KRT7: variants seen among roughly 807,000 people sequenced by gnomAD.
KRT7 encodes the protein keratin, type II cytoskeletal 7.
Under a neutral mutation model 42.8 loss-of-function variants are expected in KRT7, and 50 were observed. The ratio of observed to expected loss-of-function variants is 1.17; its 90% CI spans 0.93 to 1.48. The LOEUF (loss-of-function observed/expected upper bound fraction) is 1.48. Among genes scored for constraint, KRT7 ranks in the 40% most tolerant of loss-of-function variants. The pLI is 0.00. For synonymous variants in KRT7, 268 were observed against 266.3 expected (o/e 1.01, Z -0.06); for missense variants, 588 against 637.6 (o/e 0.92, Z 0.84).
chr12:52,254,368 A>C, downstream of KRT7: 1 of 768,052 alleles, frequency 1.3e-6, no homozygotes, highest in Non-Finnish European at 2.3e-6. Context: ...CCACATCCTA[A>C]AGGGGAGAAG....
At chr12:52,235,801 C>G (rs1051772678) in intron 2 of KRT7, among the ~76,000 whole-genome samples, 1 of 152,194 alleles carries the variant, frequency 6.6e-6, no homozygotes, top group Non-Finnish European at 1.5e-5. Flanking sequence ...TGAGCTCACA[C>G]TGCAAAGGTC....
chr12:52,251,786 A>G (rs904571230), downstream of KRT7: 4 of 357,114 alleles, frequency 1.1e-5, no homozygotes, highest in East Asian at 2.9e-4. Flanking sequence ...GAGTCTGCAA[A>G]CTACGGCCAC....
intron 1 of KRT7, among the ~76,000 whole-genome samples, chr12:52,234,587 T>C (rs1434207499): frequency 2.0e-5 from 3 of 152,168 alleles, no homozygotes; most frequent in Non-Finnish European, 2.9e-5. Context: ...TTACTCTCTG[T>C]GGTCCCCAGG....
At chr12:52,241,324 G>A in intron 4 of KRT7, 148 bp from the exon 5 acceptor site, 1 of 624,918 alleles carries the variant, frequency 1.6e-6, no homozygotes, top group Non-Finnish European at 2.8e-6. Flanking sequence ...AACTTAATGT[G>A]TGCTGGGTCT....
chr12:52,248,903 C>G lies in KRT7; in HGVS notation c.*143C>G. ...TAGCTTCCAATAAAGCAGCCTCATT[C>G]TGAGGCCTGAGTGATCCACGTGCCT... On this transcript the variant is annotated 3_prime_UTR_variant, in exon 9 of 9. Transcript: ENST00000331817. The G allele has an allele frequency of 1.3e-6, 1 of 742,814 alleles. No individual in the cohort carries two copies. Among genetic ancestry groups the G allele is most frequent in the Non-Finnish European group, 2.0e-6 (1 of 509,870 alleles). The allele number at this position is 742,814 out of a possible 1,614,324, so 46.0% of individuals were successfully genotyped here.
chr12:52,242,715 C>T (rs368648853), intron 5 of KRT7, among the ~76,000 whole-genome samples: 4 of 152,100 alleles, frequency 2.6e-5, no homozygotes, highest in African/African-American at 4.8e-5. Context: ...TGAATGGGTG[C>T]GAATCTCAAA....
At chr12:52,253,000 C>T (rs959059883), downstream of KRT7, among the ~76,000 whole-genome samples, 2 of 152,228 alleles carry the variant, frequency 1.3e-5, no homozygotes, top group African/African-American at 4.8e-5. Flanking sequence ...CTCTGCCCCA[C>T]TCTGCCCTTG....
chr12:52,234,337 G>A (rs1702313027), intron 1 of KRT7, among the ~76,000 whole-genome samples: 1 of 152,200 alleles, frequency 6.6e-6, no homozygotes, highest in Admixed American at 6.5e-5. Flanking sequence ...AGGGGGCGAG[G>A]GCAGACTTGA....
intron 1 of KRT7, 76 bp downstream of exon 1, chr12:52,233,696 C>A (rs551117829): frequency 1.4e-6 from 2 of 1,463,524 alleles, no homozygotes; most frequent in Admixed American, 3.4e-5. Context: ...GCCCTGCCTG[C>A]GCGCGGGCCA....
intron 5 of KRT7, chr12:52,241,879 C>T (rs1592392664): frequency 3.2e-6 from 1 of 308,216 alleles, no homozygotes; most frequent in South Asian, 1.1e-4. Context: ...CAGTACTAGG[C>T]TCATGTAATT....
In KRT7 at chr12:52,233,485, C is replaced by G. The variant is rs1455239580; in HGVS notation, c.189C>G (p.Ile63Met). 6.2e-7 allele frequency: 1 copy of G among 1,610,828 alleles called. No homozygotes were observed. Among genetic ancestry groups the G allele is most frequent in the Non-Finnish European group, 8.5e-7 (1 of 1,179,302 alleles). The change falls in exon 1 of 9, where the codon ATC becomes ATG. Residue 63 changes from isoleucine (I) to methionine (M), a missense_variant. Transcript: ENST00000331817. Reference protein sequence around the residue: ...SAYGGPVGAGIREVTINQSLL... With the variant: ...SAYGGPVGAGMREVTINQSLL... Reference sequence around the variant, plus strand: ...ATGGGGGCCCGGTGGGCGCCGGCATCCGCGAGGTCACCATTAACCAGAGCC... The same window carrying G: ...ATGGGGGCCCGGTGGGCGCCGGCATGCGCGAGGTCACCATTAACCAGAGCC...
At chr12:52,253,013 A>G (rs1250785406), downstream of KRT7, among the ~76,000 whole-genome samples, 6 of 152,116 alleles carry the variant, frequency 3.9e-5, no homozygotes, top group Non-Finnish European at 8.8e-5. Context: ...TGCCCTTGGA[A>G]GCACCTCATT....
At chr12:52,238,183 A>G (rs12301779) in intron 3 of KRT7, among the ~76,000 whole-genome samples, 27,100 of 152,160 alleles carry the variant, frequency 0.18, 2,659 homozygotes, top group Non-Finnish European at 0.21. Context: ...CAGCTGGAAG[A>G]GGCTCAGACA....
rs1309407495 is a variant in KRT7 at position 52,248,158 on chromosome 12, G to C, written c.1206-19G>C. 1.9e-6 allele frequency: 3 copies of C among 1,613,682 alleles called. No individual in the cohort carries two copies. The highest frequency in any genetic ancestry group is 1.7e-6 in the Non-Finnish European group (2 of 1,179,680). Reference sequence around the variant, plus strand: ...ACGCTAGGAAAGAGCCGTCCTCACTGTCTGTCCTCTGCCCCCAGGTTGGCT... The same window carrying C: ...ACGCTAGGAAAGAGCCGTCCTCACTCTCTGTCCTCTGCCCCCAGGTTGGCT... On this transcript the variant is annotated intron_variant, in intron 7 of 8. Transcript: ENST00000331817.
rs759398578 is a variant in KRT7, at chr12:52,238,692, G to A, written c.610G>A (p.Ala204Thr). 1.2e-6 allele frequency: 2 copies of A among 1,613,190 alleles called. No individual in the cohort carries two copies. The highest frequency in any genetic ancestry group is 1.7e-6 in the Non-Finnish European group (2 of 1,179,122). The change falls in exon 4 of 9, where the codon GCC (alanine) becomes ACC (threonine). Residue 204 changes from alanine (A) to threonine (T), a missense_variant. Ala to Thr is a moderately conservative substitution (Grantham distance 58). Transcript: ENST00000331817. The stretch of plus-strand genomic sequence containing the variant: ...CCCCAACCCCCAGGATGTGGATGCT[G>A]CCTACATGAGCAAGGTGGAGCTGGA... The part of the protein sequence containing the change: ...FVVLKKDVDA[A>T]YMSKVELEAK...
downstream of KRT7, chr12:52,253,540 A>G (rs1942298281): frequency 1.2e-6 from 2 of 1,600,650 alleles, no homozygotes; most frequent in Non-Finnish European, 1.7e-6. Context: ...AGCCTATTTA[A>G]TAGGTACCTT....
chr12:52,240,646 A>G (rs1423813073), intron 4 of KRT7, among the ~76,000 whole-genome samples: 3 of 152,164 alleles, frequency 2.0e-5, no homozygotes, highest in Admixed American at 6.5e-5. Flanking sequence ...AAAGAAAAAA[A>G]AAAGAAAATG....
downstream of KRT7, among the ~76,000 whole-genome samples, chr12:52,250,302 C>T (rs1437417775): frequency 1.3e-5 from 2 of 152,192 alleles, no homozygotes; most frequent in Non-Finnish European, 2.9e-5. Flanking sequence ...AGTGAAGGGA[C>T]TAGCGGGCGG....
At chr12:52,243,177 A>G in intron 6 of KRT7, 40 bp downstream of exon 6, 1 of 1,583,650 alleles carries the variant, frequency 6.3e-7, no homozygotes, top group Non-Finnish European at 8.6e-7. Flanking sequence ...TACTTGGGGC[A>G]TGCAGGGGTG....
Sources: gnomAD v4.1 joint callset for allele counts (sites outside exome capture counted in the v4.1 genomes callset) on GRCh38, gnomAD v4.1.1 for gene constraint, MANE v1.5 for transcripts, NCBI Gene and HGNC (gene_info 2026-07-23, HGNC 2026-07-21) for gene names.